B3GNT2: variants seen among roughly 807,000 people sequenced by gnomAD.
B3GNT2 encodes the protein N-acetyllactosaminide beta-1,3-N-acetylglucosaminyltransferase 2.
In B3GNT2, 12 loss-of-function variants were observed where a neutral mutation model predicts 27.6. That is an observed-to-expected ratio of 0.44 (90% confidence interval 0.28 to 0.71). B3GNT2 has a LOEUF of 0.71. Ranked by LOEUF, B3GNT2 falls within the 30% of genes least tolerant of loss-of-function variation. The pLI is 0.17. For synonymous variants in B3GNT2, 192 were observed against 189.7 expected (o/e 1.01, Z -0.10); for missense variants, 413 against 488.5 (o/e 0.85, Z 1.46).
intron 1 of B3GNT2, among the ~76,000 whole-genome samples, chr2:62,212,756 A>C (rs1348951557): frequency 6.6e-6 from 1 of 152,082 alleles, no homozygotes; most frequent in Non-Finnish European, 1.5e-5. Context: ...GTTCCAGGGC[A>C]TCCTTTAGAT....
At chr2:62,199,721 A>G (rs963396567) in intron 1 of B3GNT2, among the ~76,000 whole-genome samples, 3 of 152,246 alleles carry the variant, frequency 2.0e-5, no homozygotes, top group African/African-American at 7.2e-5. Flanking sequence ...GCATCCAGTA[A>G]AGAAAACAGC....
chr2:62,205,325 C>T (rs1674352737), intron 1 of B3GNT2, among the ~76,000 whole-genome samples: 1 of 152,204 alleles, frequency 6.6e-6, no homozygotes, highest in Admixed American at 6.5e-5. Context: ...GTTACTATTG[C>T]ACTTCTTTAA....
intron 1 of B3GNT2, among the ~76,000 whole-genome samples, chr2:62,213,125 A>G (rs781717996): frequency 8.5e-5 from 13 of 152,190 alleles, no homozygotes; most frequent in Non-Finnish European, 1.5e-4. Flanking sequence ...AGCTGGGGCA[A>G]CATGAGGAGA....
intron 1 of B3GNT2, chr2:62,221,724 C>T: frequency 2.4e-6 from 1 of 415,888 alleles, no homozygotes; most frequent in South Asian, 1.8e-5. Flanking sequence ...CAATGCGTCA[C>T]ACATGTAAAT....
chr2:62,222,011 T>G lies in B3GNT2; in HGVS notation c.-9-201T>G, dbSNP rs779881922. ...AAGTGGGCTTGATTCCCATTTTATA[T>G]ATGGAGAAGTTGAGACAGGGACTAT... On this transcript the variant is annotated intron_variant, in intron 1 of 1. Transcript: ENST00000301998. The surrounding 1 kb of genome is among the most constrained non-coding windows in gnomAD (Gnocchi z 4.2). 1.3e-5 allele frequency among the ~76,000 whole-genome samples: 2 copies of G among 152,196 alleles called. No individual in the cohort carries two copies. Among genetic ancestry groups the G allele is most frequent in the Non-Finnish European group, 2.9e-5 (2 of 68,034 alleles).
chr2:62,218,979 G>A (rs1328373068), intron 1 of B3GNT2, among the ~76,000 whole-genome samples: 4 of 152,208 alleles, frequency 2.6e-5, no homozygotes, highest in South Asian at 4.1e-4. Flanking sequence ...GGGTCAGCAA[G>A]CTTATTCCTC....
intron 1 of B3GNT2, among the ~76,000 whole-genome samples, chr2:62,204,397 A>G (rs1257381495): frequency 1.3e-5 from 2 of 152,176 alleles, no homozygotes; most frequent in East Asian, 1.9e-4. Flanking sequence ...GAATAACACA[A>G]TTGTGGTGAG....
chr2:62,201,817 C>T (rs962144497), intron 1 of B3GNT2, among the ~76,000 whole-genome samples: 13 of 152,194 alleles, frequency 8.5e-5, no homozygotes, highest in African/African-American at 3.1e-4. Context: ...TCTAGAATGA[C>T]CTTAGGAAAA....
At chr2:62,221,953 C>A in intron 1 of B3GNT2, 1 of 547,038 alleles carries the variant, frequency 1.8e-6, no homozygotes, top group South Asian at 1.7e-5. Flanking sequence ...AAAAGCTTTC[C>A]ATATAACATC....
At chr2:62,199,910 G>C (rs1164209149) in intron 1 of B3GNT2, among the ~76,000 whole-genome samples, 1 of 152,210 alleles carries the variant, frequency 6.6e-6, no homozygotes, top group Non-Finnish European at 1.5e-5. Flanking sequence ...AAGGTTTTGG[G>C]AGAATTGATG....
chr2:62,208,715 G>T (rs993775581), intron 1 of B3GNT2, among the ~76,000 whole-genome samples: 2 of 152,182 alleles, frequency 1.3e-5, no homozygotes, highest in Non-Finnish European at 2.9e-5. Flanking sequence ...AATGGTCAAA[G>T]AATACAAAAT....
At position 62,222,958 on chromosome 2, in the gene B3GNT2, C is replaced by T. The variant is rs765600719; in HGVS notation, c.738C>T (p.Asp246=). Residue 246 remains aspartate, a synonymous_variant, in exon 2 of 2, where the codon GAC becomes GAT. Transcript: ENST00000301998. The surrounding 1 kb of genome is among the most constrained non-coding windows in gnomAD (Gnocchi z 4.2). The part of the protein sequence containing the change: ...PDTEFVFKGD[D]DVFVNTHHIL... ...CTGAGTTTGTTTTCAAGGGCGATGA[C>T]GATGTTTTTGTGAACACCCATCACA... The T allele has an allele frequency of 1.9e-5, 30 of 1,614,002 alleles. No homozygotes were observed. The highest frequency in any genetic ancestry group is 4.0e-5 in the African/African-American group (3 of 74,896).
At chr2:62,212,742 A>C (rs1031670665) in intron 1 of B3GNT2, among the ~76,000 whole-genome samples, 20 of 152,046 alleles carry the variant, frequency 1.3e-4, no homozygotes, top group African/African-American at 4.6e-4. Context: ...GATATTTTTC[A>C]TCTGTTCCAG....
chr2:62,199,678 A>G (rs954659638), intron 1 of B3GNT2, among the ~76,000 whole-genome samples: 1 of 152,250 alleles, frequency 6.6e-6, no homozygotes, highest in Non-Finnish European at 1.5e-5. Flanking sequence ...CATGAATTAA[A>G]CTAGACTCTG....
At chr2:62,215,750 T>C (rs12620847) in intron 1 of B3GNT2, 19,117 of 152,280 alleles carry the variant, frequency 0.13, 1,359 homozygotes, top group Admixed American at 0.22. Flanking sequence ...TGTGTCCTGT[T>C]GGAGCAGGAA....
chr2:62,201,838 A>G lies in B3GNT2; in HGVS notation c.-10+5483A>G, dbSNP rs1674271313. ...ATGACCTTAGGAAAAACATACTTCC[A>G]ATACTTTATGGAAATTTAAAACAAA... On this transcript the variant is annotated intron_variant, in intron 1 of 1. Coordinates refer to ENST00000301998, the MANE Select transcript of B3GNT2 (RefSeq NM_006577.6). Among the ~76,000 whole-genome samples the G allele has an allele frequency of 2.6e-5, 4 of 152,236 alleles. No homozygotes were observed. In the South Asian group the frequency reaches 8.3e-4, roughly 32 times the overall value.
intron 1 of B3GNT2, among the ~76,000 whole-genome samples, chr2:62,209,807 G>C (rs570527092): frequency 1.3e-5 from 2 of 152,146 alleles, no homozygotes; most frequent in Non-Finnish European, 2.9e-5. Flanking sequence ...CTGTGATGTT[G>C]GAGGGAAGGA....
chr2:62,208,230 T>C (rs1186585649), intron 1 of B3GNT2, among the ~76,000 whole-genome samples: 1 of 96,302 alleles, frequency 1.0e-5, no homozygotes, highest in Non-Finnish European at 2.1e-5. Context: ...CTTTCCCCCT[T>C]CCTTCCCCCC....
At chr2:62,204,725 C>G (rs974565688) in intron 1 of B3GNT2, among the ~76,000 whole-genome samples, 7 of 152,184 alleles carry the variant, frequency 4.6e-5, no homozygotes, top group African/African-American at 1.7e-4. Context: ...TAAAATATCT[C>G]TCATGAATAC....
Sources: allele counts gnomAD v4.1 joint callset (sites outside exome capture counted in the v4.1 genomes callset), GRCh38; gene constraint gnomAD v4.1.1; non-coding constraint Gnocchi (gnomAD v3.1); transcripts MANE v1.5; gene names NCBI Gene and HGNC (gene_info 2026-07-23, HGNC 2026-07-21).